The following MYH11 variants were observed in gnomAD, a reference collection of about 807,000 sequenced individuals.
MYH11 encodes myosin heavy chain 11.
Under a neutral mutation model 246.6 loss-of-function variants are expected in MYH11, and 80 were observed. That is an observed-to-expected ratio of 0.32 (90% confidence interval 0.27 to 0.39). The LOEUF is 0.39. Among genes scored for constraint, MYH11 ranks in the 10% least tolerant of loss-of-function variants. The probability of loss-of-function intolerance (pLI) is 1.00; values close to 1 mark genes in which losing one functional copy is unlikely to be tolerated. For synonymous variants in MYH11, 1,071 were observed against 1,015.5 expected, an observed-to-expected ratio of 1.05 and a Z score of -1.04; for missense variants, 2,158 against 2,546.8, an observed-to-expected ratio of 0.85 and a Z score of 3.29.
intron 40 of MYH11, among the ~76,000 whole-genome samples, chr16:15,704,967 C>T (rs1296767503): frequency 6.6e-6 from 1 of 152,096 alleles, no homozygotes; most frequent in Non-Finnish European, 1.5e-5. Flanking sequence ...GCGTGGGCCA[C>T]CACACCTGGC....
intron 5 of MYH11, chr16:15,783,285 AT>A (rs1156275731): frequency 1.3e-5 from 2 of 152,326 alleles, no homozygotes; most frequent in African/African-American, 4.8e-5. Context: ...CAGGCCCTGG[AT>A]TCTGGGAGTT....
chr16:15,762,992 C>G (rs1332501475), intron 10 of MYH11, among the ~76,000 whole-genome samples: 1 of 152,158 alleles, frequency 6.6e-6, no homozygotes, highest in Non-Finnish European at 1.5e-5. Context: ...GCCAGCTTCT[C>G]AAAACACAAA....
At chr16:15,794,793 C>G (rs1228400680) in intron 4 of MYH11, among the ~76,000 whole-genome samples, 2 of 151,988 alleles carry the variant, frequency 1.3e-5, no homozygotes, top group Admixed American at 6.6e-5. Context: ...GGACAGAGGT[C>G]CAAGGGAGGG....
At chr16:15,833,689 G>A (rs1283333395) in intron 2 of MYH11, among the ~76,000 whole-genome samples, 1 of 152,182 alleles carries the variant, frequency 6.6e-6, no homozygotes, top group Non-Finnish European at 1.5e-5. Flanking sequence ...CGTTTGAGGC[G>A]AGCCTTGCAG....
At chr16:15,789,668 C>T (rs563828228) in intron 4 of MYH11, among the ~76,000 whole-genome samples, 15 of 152,202 alleles carry the variant, frequency 9.9e-5, no homozygotes, top group Non-Finnish European at 1.6e-4. Context: ...AATCAATGAA[C>T]CAAGCCACTC....
At chr16:15,752,111 T>C (rs2041589106) in intron 15 of MYH11, among the ~76,000 whole-genome samples, 1 of 151,782 alleles carries the variant, frequency 6.6e-6, no homozygotes, top group Non-Finnish European at 1.5e-5. Flanking sequence ...TCTCTCTGCT[T>C]GTCTTTGAGA....
At chr16:15,848,037 G>C (rs565432666) in intron 1 of MYH11, among the ~76,000 whole-genome samples, 2 of 152,036 alleles carry the variant, frequency 1.3e-5, no homozygotes, top group Non-Finnish European at 2.9e-5. Context: ...CAGGACACTT[G>C]AGTCTCTGGC....
intron 9 of MYH11, among the ~76,000 whole-genome samples, chr16:15,766,214 A>T (rs1368264435): frequency 6.6e-6 from 1 of 152,114 alleles, no homozygotes; most frequent in East Asian, 1.9e-4. Flanking sequence ...GAGGCCACAA[A>T]CCCATCTGAA....
intron 1 of MYH11, among the ~76,000 whole-genome samples, chr16:15,839,661 TC>T (rs1481195684): frequency 1.3e-5 from 2 of 150,472 alleles, no homozygotes; most frequent in Admixed American, 1.3e-4. Context: ...GCCACTGCAC[TC>T]CAGCCTCGGC....
chr16:15,727,372 T>A (rs2040820877), intron 27 of MYH11, among the ~76,000 whole-genome samples: 1 of 152,092 alleles, frequency 6.6e-6, no homozygotes, highest in African/African-American at 2.4e-5. Context: ...GACTAATTTT[T>A]GTATTTTTAG....
At chr16:15,763,741 T>TCGCGCCCCCCCCCCCCCCCCCC in intron 10 of MYH11, 55 bp downstream of exon 10, 1 of 646,862 alleles carries the variant, frequency 1.5e-6, no homozygotes, top group Non-Finnish European at 2.9e-6. Context: ...AAATGTCACC[T>TCGCGCCCCCCCCCCCCCCCCCC]CCCCCACCCC....
intron 19 of MYH11, among the ~76,000 whole-genome samples, chr16:15,747,164 C>CA (rs954209502): frequency 9.9e-5 from 15 of 152,040 alleles, no homozygotes; most frequent in African/African-American, 3.6e-4. Flanking sequence ...GAGGTAAAAA[C>CA]AACAACAATC....
At chr16:15,786,170 C>A in intron 5 of MYH11, 1 of 341,914 alleles carries the variant, frequency 2.9e-6, no homozygotes, top group South Asian at 2.4e-5. Context: ...ACTGTCCCAC[C>A]CCAGGGAACA....
At chr16:15,714,654 C>T (rs982440763) in intron 40 of MYH11, 17 of 586,868 alleles carry the variant, frequency 2.9e-5, no homozygotes, top group Admixed American at 2.1e-4. Context: ...CCTCCTCAGC[C>T]GGAGGACCGG....
intron 1 of MYH11, among the ~76,000 whole-genome samples, chr16:15,847,744 G>A (rs991972962): frequency 2.0e-5 from 3 of 152,182 alleles, no homozygotes; most frequent in African/African-American, 7.2e-5. Context: ...AGGAGAGCTT[G>A]GAGCAGGCTG....
intron 7 of MYH11, 31 bp downstream of exon 7, chr16:15,778,749 C>T: frequency 6.2e-7 from 1 of 1,609,040 alleles, no homozygotes; most frequent in Non-Finnish European, 8.5e-7. Context: ...GGCAGGGGTA[C>T]CCATTTGGCC....
chr16:15,719,261 C>T lies in MYH11; in HGVS notation c.5130G>A (p.Lys1710=), dbSNP rs2151203465. The T allele has an allele frequency of 6.2e-7, 1 of 1,613,492 alleles. No homozygotes were observed. The change falls in exon 36 of 41, where the codon AAG becomes AAA. Residue 1710 remains lysine (K), a synonymous_variant. Coordinates refer to ENST00000300036, the MANE Select transcript of MYH11 (RefSeq NM_002474.3). ...ERARKQADLE[K]EELAEELASS... ...TGGCCAGCTCCTCTGCCAGTTCCTCCTTCTCGAGGTCCGCTTGTTTGCGAG... is the reference window on the plus strand; with the variant it reads ...TGGCCAGCTCCTCTGCCAGTTCCTCTTTCTCGAGGTCCGCTTGTTTGCGAG...
intron 37 of MYH11, chr16:15,717,963 C>T (rs2040253662): frequency 2.6e-6 from 1 of 390,782 alleles, no homozygotes; most frequent in East Asian, 5.8e-5. Flanking sequence ...GGAACTAGTG[C>T]TCAGTGACAT....
chr16:15,804,885 T>C (rs751527850), intron 3 of MYH11, among the ~76,000 whole-genome samples: 1 of 152,218 alleles, frequency 6.6e-6, no homozygotes, highest in Non-Finnish European at 1.5e-5. Flanking sequence ...GGATGGATCA[T>C]ATTTTGTTTA....
Sources: gnomAD v4.1 joint callset for allele counts (sites outside exome capture counted in the v4.1 genomes callset) on GRCh38, gnomAD v4.1.1 for gene constraint, MANE v1.5 for transcripts, NCBI Gene and HGNC (gene_info 2026-07-23, HGNC 2026-07-21) for gene names.